Variants in LRRC36 observed in about 807,000 individuals in gnomAD.
The protein encoded by LRRC36 is leucine rich repeat containing 36.
Under a neutral mutation model 81.1 loss-of-function variants are expected in LRRC36, and 62 were observed. That is an observed-to-expected ratio of 0.76 (90% CI 0.62 to 0.94). The LOEUF (loss-of-function observed/expected upper bound fraction) is 0.94. LRRC36 is among the 40% of genes least tolerant of loss of function. LRRC36 has a pLI of 0.00. For missense variants in LRRC36, 761 were observed against 881.7 expected (o/e 0.86, Z 1.73); for synonymous variants, 334 against 348.6 (o/e 0.96, Z 0.47).
Position 67,384,984 on chromosome 16 carries a change from G to A in LRRC36, c.2160G>A (p.Ser720=), listed in dbSNP as rs1298420228. 19 of 1,614,064 alleles carry A rather than the reference G, an allele frequency of 1.2e-5. No homozygotes were observed. The Admixed American group carries it at 2.2e-4, about 18-fold the overall frequency. The change falls in exon 14 of 14, where the codon TCG becomes TCA. Residue 720 remains serine (S), a synonymous_variant. Coordinates refer to ENST00000329956, the MANE Select transcript of LRRC36 (RefSeq NM_018296.6). ...AGGGTCATCATCTGGGGAGATCATC[G>A]CCCTTTGGGAAAAGCACGTTGTCTT... The part of the protein sequence containing the change: ...PEKGHHLGRS[S]PFGKSTLSSS...
At chr16:67,376,922 A>T in intron 11 of LRRC36, 50 bp downstream of exon 11, 1 of 1,554,298 alleles carries the variant, frequency 6.4e-7, no homozygotes, top group Non-Finnish European at 8.8e-7. Context: ...GCAGAACTAC[A>T]ACATCTCTGC....
rs559841565 is a variant in LRRC36, at chr16:67,374,100, A to G, written c.1495-1147A>G. Among the ~76,000 whole-genome samples the G allele has an allele frequency of 2.2e-3, 336 of 151,924 alleles. 2 individuals carry two copies. Among genetic ancestry groups the G allele is most frequent in the African/African-American group, 7.7e-3 (321 of 41,448 alleles). On this transcript the variant is annotated intron_variant, in intron 9 of 13. Transcript: ENST00000329956. ...AGTTCCAGCTATTCGAGAAGCTGGGATAGGAGGATTGCTTGAACCCAGGAG... is the reference window on the plus strand; with the variant it reads ...AGTTCCAGCTATTCGAGAAGCTGGGGTAGGAGGATTGCTTGAACCCAGGAG...
At chr16:67,338,624 T>A (rs2037873282) in intron 1 of LRRC36, among the ~76,000 whole-genome samples, 1 of 152,186 alleles carries the variant, frequency 6.6e-6, no homozygotes, top group African/African-American at 2.4e-5. Context: ...TACATATGGA[T>A]GAATCTTTTA....
At chr16:67,374,343 AT>A (rs2142147388) in intron 9 of LRRC36, among the ~76,000 whole-genome samples, 1 of 152,216 alleles carries the variant, frequency 6.6e-6, no homozygotes, top group African/African-American at 2.4e-5. Flanking sequence ...TATATAACAT[AT>A]TGAACCATAG....
At chr16:67,339,859 G>A (rs899035329) in intron 1 of LRRC36, among the ~76,000 whole-genome samples, 3 of 151,884 alleles carry the variant, frequency 2.0e-5, no homozygotes, top group African/African-American at 7.3e-5. Flanking sequence ...AAAGCTTATG[G>A]GGGCCAGGCA....
chr16:67,362,191 C>G (rs905533827), intron 5 of LRRC36: 7 of 453,464 alleles, frequency 1.5e-5, no homozygotes, highest in African/African-American at 1.0e-4. Context: ...GAGAAAGAGT[C>G]TTGCTCTGTC....
Position 67,385,163 on chromosome 16 carries a change from G to T in LRRC36, c.*74G>T. On this transcript the variant is annotated 3_prime_UTR_variant, in exon 14 of 14. Coordinates refer to ENST00000329956, the MANE Select transcript of LRRC36 (RefSeq NM_018296.6). ...CACCGCCATTGCCACCAGTATGGTG[G>T]TATGTACTCACAAAGATTAAGAAAG... The T allele has an allele frequency of 9.3e-7, 1 of 1,075,400 alleles. No homozygotes were observed. The highest frequency in any genetic ancestry group is 1.4e-6 in the Non-Finnish European group (1 of 714,154). The allele number at this position is 1,075,400 out of a possible 1,614,324, so 66.6% of individuals were successfully genotyped here. A position where few individuals can be genotyped will look rare whatever the true frequency, so the allele number is the denominator to read the frequency against.
intron 5 of LRRC36, among the ~76,000 whole-genome samples, chr16:67,357,686 G>A (rs1377471731): frequency 2.0e-5 from 3 of 152,192 alleles, no homozygotes; most frequent in Non-Finnish European, 4.4e-5. Context: ...GTTCTTGATA[G>A]CTAAGACAGA....
chr16:67,377,721 G>A (rs918663288), intron 11 of LRRC36, among the ~76,000 whole-genome samples: 1 of 149,696 alleles, frequency 6.7e-6, no homozygotes, highest in African/African-American at 2.5e-5. Flanking sequence ...TGCAAGCTCC[G>A]CCTCCCGGGT....
intron 5 of LRRC36, among the ~76,000 whole-genome samples, chr16:67,363,374 GA>G (rs2039246657): frequency 2.0e-5 from 3 of 152,202 alleles, no homozygotes; most frequent in Admixed American, 6.5e-5. Context: ...AACCCTAACA[GA>G]TAGGCAGTTT....
intron 6 of LRRC36, among the ~76,000 whole-genome samples, chr16:67,364,933 A>C (rs905670362): frequency 1.4e-4 from 22 of 151,764 alleles, no homozygotes; most frequent in African/African-American, 5.3e-4. Flanking sequence ...GCCTATTAAA[A>C]CCCCCTTAGC....
intron 1 of LRRC36, among the ~76,000 whole-genome samples, chr16:67,334,969 T>A (rs2037688354): frequency 6.6e-6 from 1 of 152,102 alleles, no homozygotes; most frequent in Non-Finnish European, 1.5e-5. Context: ...ATAGATCACA[T>A]GCTTCACAAG....
chr16:67,342,946 A>G (rs2038164474), intron 2 of LRRC36, among the ~76,000 whole-genome samples: 1 of 152,184 alleles, frequency 6.6e-6, no homozygotes, highest in Non-Finnish European at 1.5e-5. Flanking sequence ...TAAAAGATCA[A>G]AAGCCCTAAG....
rs547047262 is a variant in LRRC36, at chr16:67,379,142, G to A, written c.1930+430G>A. ...TAACTCCAAATTTACAATTGTGGCTGGGCAGGTGCAGTGGCTCACACCTGC... is the reference window on the plus strand; with the variant it reads ...TAACTCCAAATTTACAATTGTGGCTAGGCAGGTGCAGTGGCTCACACCTGC... On this transcript the variant is annotated intron_variant, in intron 12 of 13. Coordinates refer to ENST00000329956, the MANE Select transcript of LRRC36 (RefSeq NM_018296.6). Among the ~76,000 whole-genome samples, 342 of 152,186 alleles carry A rather than the reference G, an allele frequency of 2.2e-3. 1 individual carries two copies. Among genetic ancestry groups the A allele is most frequent in the Non-Finnish European group, 4.2e-3 (285 of 67,992 alleles).
intron 5 of LRRC36, among the ~76,000 whole-genome samples, chr16:67,354,601 TTTTA>T (rs2038814214): frequency 6.6e-6 from 1 of 152,036 alleles, no homozygotes; most frequent in Non-Finnish European, 1.5e-5. Flanking sequence ...TTAAAACATA[TTTTA>T]TTTTTTAGAA....
chr16:67,362,636 A>C (rs1444483184), intron 5 of LRRC36, among the ~76,000 whole-genome samples: 1 of 152,202 alleles, frequency 6.6e-6, no homozygotes, highest in East Asian at 1.9e-4. Flanking sequence ...TAAAACAAGA[A>C]TCTCTCTAAT....
At chr16:67,381,950 A>G (rs897892956) in intron 12 of LRRC36, among the ~76,000 whole-genome samples, 183 bp from the exon 13 acceptor site, 1 of 152,158 alleles carries the variant, frequency 6.6e-6, no homozygotes, top group Non-Finnish European at 1.5e-5. Context: ...ATTTTAACTC[A>G]TATCTGTTGC....
intron 1 of LRRC36, among the ~76,000 whole-genome samples, chr16:67,335,930 C>G (rs548133443): frequency 6.6e-6 from 1 of 152,264 alleles, no homozygotes; most frequent in East Asian, 1.9e-4. Flanking sequence ...CAGGGTTTCT[C>G]CAGGTTGGTC....
chr16:67,365,255 T>C, intron 6 of LRRC36, 49 bp from the exon 7 acceptor site: 3 of 1,276,434 alleles, frequency 2.4e-6, no homozygotes, highest in Non-Finnish European at 2.3e-6. Context: ...AAGCTCACAT[T>C]TGAACGCGCA....
Sources: allele counts gnomAD v4.1 joint callset (sites outside exome capture counted in the v4.1 genomes callset), GRCh38; gene constraint gnomAD v4.1.1; transcripts MANE v1.5; gene names NCBI Gene and HGNC (gene_info 2026-07-23, HGNC 2026-07-21).